The following PTPRD variants were observed in gnomAD, a reference collection of about 807,000 sequenced individuals.
The protein encoded by PTPRD is receptor-type tyrosine-protein phosphatase delta.
A neutral mutation model predicts 214.5 loss-of-function variants in PTPRD; 34 were observed. The ratio of observed to expected loss-of-function variants is 0.16; its 90% CI spans 0.12 to 0.21. PTPRD has a LOEUF of 0.21. Among genes scored for constraint, PTPRD ranks in the 10% least tolerant of loss-of-function variants. The pLI, the probability that PTPRD is intolerant of heterozygous loss-of-function variation, is 1.00. For missense variants in PTPRD, 2,545 were observed against 2,398.7 expected (o/e 1.06, Z -1.27); for synonymous variants, 1,128 against 845.7 (o/e 1.33, Z -5.79).
At chr9:8,432,872 T>C (rs1170115241) in intron 35 of PTPRD, among the ~76,000 whole-genome samples, 4 of 152,188 alleles carry the variant, frequency 2.6e-5, no homozygotes, top group Admixed American at 1.3e-4. Context: ...ATGTGGGCTA[T>C]CAGGTCCACA....
intron 3 of PTPRD, among the ~76,000 whole-genome samples, chr9:10,310,181 T>C (rs1565204004): frequency 1.3e-5 from 2 of 152,066 alleles, no homozygotes. Context: ...CATGTCCAAC[T>C]CTTCTCATTT....
chr9:8,970,509 A>G (rs2099230814), intron 11 of PTPRD, among the ~76,000 whole-genome samples: 1 of 151,842 alleles, frequency 6.6e-6, no homozygotes, highest in South Asian at 2.1e-4. Flanking sequence ...ATTATTTTTA[A>G]AAGTGATAAT....
At chr9:9,654,645 T>G (rs895801037) in intron 7 of PTPRD, among the ~76,000 whole-genome samples, 19 of 152,204 alleles carry the variant, frequency 1.2e-4, no homozygotes, top group Non-Finnish European at 7.4e-5. Flanking sequence ...TTCCCATGTT[T>G]GGTTATCTAA....
At chr9:10,370,480 C>G (rs1485295660) in intron 2 of PTPRD, among the ~76,000 whole-genome samples, 2 of 151,972 alleles carry the variant, frequency 1.3e-5, no homozygotes, top group African/African-American at 4.8e-5. Flanking sequence ...ACCTGAAAAT[C>G]AAACGGTTCT....
intron 3 of PTPRD, among the ~76,000 whole-genome samples, chr9:10,098,345 G>T (rs1489448805): frequency 6.8e-6 from 1 of 147,692 alleles, no homozygotes; most frequent in East Asian, 2.0e-4. Context: ...GATGGTTGTG[G>T]GGTTGGGGGA....
intron 7 of PTPRD, among the ~76,000 whole-genome samples, chr9:9,593,186 T>A (rs1379083287): frequency 1.4e-5 from 2 of 143,644 alleles, no homozygotes; most frequent in Non-Finnish European, 3.1e-5. Context: ...ATTGAGTTTT[T>A]ACCAGTTTTG....
rs545099361 is a variant in PTPRD at position 10,385,966 on chromosome 9, T to C, written c.-599-44949A>G. Among the ~76,000 whole-genome samples the C allele has an allele frequency of 2.6e-5, 4 of 152,016 alleles. No homozygotes were observed. In the East Asian group the frequency reaches 7.8e-4, roughly 30 times the overall value. ...TTCTGTTTTATTAAAACAGCATCTT[T>C]TGAACAATTATTTCTCTAAGTTGTC... On this transcript the variant is annotated intron_variant, in intron 2 of 45. Transcript: ENST00000381196.
At chr9:9,977,449 ATGTT>A in intron 4 of PTPRD, among the ~76,000 whole-genome samples, 1 of 152,206 alleles carries the variant, frequency 6.6e-6, no homozygotes, top group Non-Finnish European at 1.5e-5. Context: ...TCTCAGATCT[ATGTT>A]TAAGTTTTTA....
At chr9:9,769,929 G>T (rs1021509216) in intron 5 of PTPRD, among the ~76,000 whole-genome samples, 1 of 152,106 alleles carries the variant, frequency 6.6e-6, no homozygotes, top group East Asian at 1.9e-4. Flanking sequence ...TCCCTGCAAA[G>T]GACATGAACT....
At chr9:10,028,119 G>T (rs2096966258) in intron 4 of PTPRD, among the ~76,000 whole-genome samples, 1 of 152,110 alleles carries the variant, frequency 6.6e-6, no homozygotes, top group African/African-American at 2.4e-5. Flanking sequence ...TCTTATGATT[G>T]TGATAAGTCT....
intron 11 of PTPRD, among the ~76,000 whole-genome samples, chr9:8,929,869 G>A (rs934865638): frequency 1.2e-5 from 1 of 83,126 alleles, no homozygotes; most frequent in African/African-American, 4.1e-5. Flanking sequence ...GTATATACAT[G>A]TGTGTGTATA....
intron 10 of PTPRD, among the ~76,000 whole-genome samples, chr9:9,062,852 C>G (rs568465955): frequency 1.1e-4 from 17 of 152,216 alleles, no homozygotes; most frequent in East Asian, 3.9e-4. Flanking sequence ...CCAGGCAGCT[C>G]GTAAACTTCA....
intron 9 of PTPRD, among the ~76,000 whole-genome samples, chr9:9,219,822 T>A (rs2099954642): frequency 6.6e-6 from 1 of 152,308 alleles, no homozygotes; most frequent in Non-Finnish European, 1.5e-5. Flanking sequence ...CAGCTGCATG[T>A]TCCCAGTTTT....
At chr9:9,853,042 T>A (rs2060842585) in intron 5 of PTPRD, among the ~76,000 whole-genome samples, 1 of 152,202 alleles carries the variant, frequency 6.6e-6, no homozygotes, top group Non-Finnish European at 1.5e-5. Flanking sequence ...TCTAATTCTA[T>A]GCTCTCCATA....
At chr9:10,324,561 T>C (rs1307347652) in intron 3 of PTPRD, among the ~76,000 whole-genome samples, 2 of 151,904 alleles carry the variant, frequency 1.3e-5, no homozygotes, top group African/African-American at 4.8e-5. Context: ...GATTCCAGAG[T>C]TGATTGAGCT....
chr9:9,593,214 T>C (rs1037462039), intron 7 of PTPRD, among the ~76,000 whole-genome samples: 1 of 151,320 alleles, frequency 6.6e-6, no homozygotes, highest in African/African-American at 2.4e-5. Context: ...TTTGTTTTTG[T>C]TTTTCCCCCC....
At chr9:9,774,118 T>C (rs1049611802) in intron 5 of PTPRD, among the ~76,000 whole-genome samples, 6 of 152,186 alleles carry the variant, frequency 3.9e-5, no homozygotes, top group Non-Finnish European at 7.3e-5. Context: ...ATACTGACAA[T>C]GCTAAGGATA....
At chr9:8,733,550 G>C (rs1423560577) in intron 12 of PTPRD, among the ~76,000 whole-genome samples, 3 of 152,160 alleles carry the variant, frequency 2.0e-5, no homozygotes, top group Non-Finnish European at 4.4e-5. Flanking sequence ...AAATAAACAG[G>C]AGGAGCAGTT....
intron 3 of PTPRD, among the ~76,000 whole-genome samples, chr9:10,121,409 T>C (rs545649922): frequency 6.0e-4 from 91 of 152,256 alleles, no homozygotes; most frequent in African/African-American, 1.7e-3. Context: ...TAGTATTCAA[T>C]ATGGAATTGA....
Sources: gnomAD v4.1 joint callset for allele counts (sites outside exome capture counted in the v4.1 genomes callset) on GRCh38, gnomAD v4.1.1 for gene constraint, MANE v1.5 for transcripts, NCBI Gene and HGNC (gene_info 2026-07-23, HGNC 2026-07-21) for gene names.